The following ADGRF3 variants were observed in gnomAD, a reference collection of about 807,000 sequenced individuals.
The protein encoded by ADGRF3 is adhesion G protein-coupled receptor F3.
Under a neutral mutation model 93.2 loss-of-function variants are expected in ADGRF3, and 85 were observed. The ratio of observed to expected loss-of-function variants is 0.91; its 90% confidence interval spans 0.77 to 1.09. ADGRF3 has a LOEUF of 1.09. Among genes scored for constraint, ADGRF3 ranks in the 50% least tolerant of loss-of-function variants. The pLI is 0.00. For missense variants in ADGRF3, 1,125 were observed against 1,246.2 expected, an observed-to-expected ratio of 0.90 and a Z score of 1.46; for synonymous variants, 534 against 532.5, an observed-to-expected ratio of 1.00 and a Z score of -0.04.
At chr2:26,337,306 G>A (rs757626681) in intron 1 of ADGRF3, among the ~76,000 whole-genome samples, 13 of 152,230 alleles carry the variant, frequency 8.5e-5, no homozygotes, top group Non-Finnish European at 1.8e-4. Flanking sequence ...TACCTAGGCC[G>A]ACAAAGGCCT....
Position 26,314,506 on chromosome 2 carries a change from C to T in ADGRF3, c.836G>A (p.Cys279Tyr), listed in dbSNP as rs780592721. 1 of 1,614,058 alleles carries T rather than the reference C, an allele frequency of 6.2e-7. No individual in the cohort carries two copies. The highest frequency in any genetic ancestry group is 8.5e-7 in the Non-Finnish European group (1 of 1,179,906). Reference protein sequence around the residue: ...ARLPYQLSISCATSPGFQLSC... With the variant: ...ARLPYQLSISYATSPGFQLSC... The stretch of plus-strand genomic sequence containing the variant: ...CAGCTGGAAGCCAGGGGAGGTGGCA[C>T]AGGAGATGGACAGCTGGTATGGAAG... The change falls in exon 6 of 14, where the codon TGT becomes TAT. Residue 279 changes from cysteine to tyrosine, a missense_variant. Transcript: ENST00000651242.
intron 1 of ADGRF3, among the ~76,000 whole-genome samples, chr2:26,320,037 A>G (rs907098145): frequency 2.0e-5 from 3 of 152,226 alleles, no homozygotes; most frequent in Admixed American, 1.3e-4. Flanking sequence ...AATACATAAA[A>G]CTGAGAAGCC....
At position 26,310,937 on chromosome 2, in the gene ADGRF3, C is replaced by T; in HGVS notation, c.2587G>A (p.Gly863Arg). ...GKGGALYTFV[G>R]PVLAIIGVNG... ...ACGCCTATGATGGCCAGCACTGGCC[C>T]CACGAAGGTGTATAACGCCCCTCCC... is the stretch of plus-strand genomic sequence containing the variant. The change falls in exon 10 of 14, where the codon GGG becomes AGG. Residue 863 changes from glycine (G) to arginine (R), a missense_variant. Gly to Arg is a moderately radical substitution (Grantham distance 125). Coordinates refer to ENST00000651242, the MANE Select transcript of ADGRF3 (RefSeq NM_001321971.2). The T allele has an allele frequency of 1.2e-6, 2 of 1,613,540 alleles. No individual in the cohort carries two copies. Among genetic ancestry groups the T allele is most frequent in the Non-Finnish European group, 1.7e-6 (2 of 1,179,690 alleles).
At chr2:26,309,271 C>G (rs1317556755) in intron 13 of ADGRF3, 164 bp from the exon 14 acceptor site, 1 of 1,571,418 alleles carries the variant, frequency 6.4e-7, no homozygotes, top group East Asian at 2.2e-5. Flanking sequence ...GAAACCAAGT[C>G]AAGGACTGGT....
chr2:26,314,042 G>C, intron 6 of ADGRF3, 139 bp from the exon 7 acceptor site: 1 of 1,066,534 alleles, frequency 9.4e-7, no homozygotes, highest in South Asian at 1.5e-5. Flanking sequence ...TGATGTGTGG[G>C]CTCCACTTGG....
In ADGRF3 at chr2:26,346,474, C is replaced by T; in HGVS notation, c.-240G>A. 1 of 637,428 alleles carries T rather than the reference C, an allele frequency of 1.6e-6. No individual in the cohort carries two copies. The highest frequency in any genetic ancestry group is 2.5e-6 in the Non-Finnish European group (1 of 404,622). The allele number at this position is 637,428 out of a possible 1,614,324, so 39.5% of individuals were successfully genotyped here. ...GGGGAGCGTGGGAGCATCCTAAGCCCGCCGCCCGTAGTCGGCACCCCCCGG... is the reference window on the plus strand; with the variant it reads ...GGGGAGCGTGGGAGCATCCTAAGCCTGCCGCCCGTAGTCGGCACCCCCCGG... On this transcript the variant is annotated 5_prime_UTR_variant, in exon 1 of 14. Coordinates refer to ENST00000651242, the MANE Select transcript of ADGRF3 (RefSeq NM_001321971.2).
intron 1 of ADGRF3, among the ~76,000 whole-genome samples, chr2:26,325,138 A>G (rs1675371540): frequency 6.6e-6 from 1 of 152,216 alleles, no homozygotes; most frequent in South Asian, 2.1e-4. Context: ...TGGCCACATC[A>G]TGGGACATGT....
chr2:26,316,456 A>T lies in ADGRF3; in HGVS notation c.326-8T>A. On this transcript the variant is annotated splice_region_variant and splice_polypyrimidine_tract_variant and intron_variant, in intron 3 of 13. Transcript: ENST00000651242. ...TGTGGTTGACATTACACTCTGACAG[A>T]GAGAAGAGAAGAGGGGGTGGGCAGG... 1 of 1,550,538 alleles carries T rather than the reference A, an allele frequency of 6.4e-7. No homozygotes were observed.
chr2:26,314,309 G>A (rs1325910153), intron 6 of ADGRF3, 105 bp downstream of exon 6: 1 of 1,080,878 alleles, frequency 9.3e-7, no homozygotes, highest in African/African-American at 1.6e-5. Flanking sequence ...CCACTCTCTG[G>A]TTGAACTGTG....
chr2:26,330,568 G>A (rs1675706932), intron 1 of ADGRF3, among the ~76,000 whole-genome samples: 1 of 152,146 alleles, frequency 6.6e-6, no homozygotes, highest in South Asian at 2.1e-4. Flanking sequence ...CTCCCTCAGA[G>A]TTCTCGGCTC....
intron 1 of ADGRF3, 125 bp from the exon 2 acceptor site, chr2:26,317,687 T>A: frequency 2.3e-6 from 2 of 865,776 alleles, no homozygotes; most frequent in Non-Finnish European, 3.7e-6. Flanking sequence ...GAGTCAAGTG[T>A]ACACATCAGG....
chr2:26,322,643 T>G (rs1176083354), intron 1 of ADGRF3, among the ~76,000 whole-genome samples: 3 of 152,236 alleles, frequency 2.0e-5, no homozygotes, highest in Admixed American at 6.5e-5. Context: ...GCACTGAGTT[T>G]ACCTCAGTAC....
chr2:26,341,949 T>G (rs1010576084), intron 1 of ADGRF3, among the ~76,000 whole-genome samples: 1 of 151,952 alleles, frequency 6.6e-6, no homozygotes, highest in African/African-American at 2.4e-5. Context: ...GGCAGGTGCC[T>G]GTAGTCCCAG....
At chr2:26,316,248 G>A (rs1175494162) in intron 4 of ADGRF3, 27 bp downstream of exon 4, 1 of 1,545,934 alleles carries the variant, frequency 6.5e-7, no homozygotes, top group East Asian at 2.4e-5. Context: ...TAAGGCCATT[G>A]GTTTCCAAGT....
chr2:26,345,753 C>G (rs920579142), intron 1 of ADGRF3: 2 of 245,774 alleles, frequency 8.1e-6, no homozygotes, highest in Admixed American at 5.3e-5. Flanking sequence ...CACTCTACCC[C>G]CAAGACTAAA....
chr2:26,311,517 C>A lies in ADGRF3; in HGVS notation c.2007G>T (p.Gln669His). 1 of 1,614,030 alleles carries A rather than the reference C, an allele frequency of 6.2e-7. No homozygotes were observed. Among genetic ancestry groups the A allele is most frequent in the Non-Finnish European group, 8.5e-7 (1 of 1,179,902 alleles). The stretch of plus-strand genomic sequence containing the variant: ...GAGCAGTGGGGCTGGCACTGGCCAC[C>A]TGTGCCTGGCACCCTTCTTTGGACC... ...GGWSKEGCQA[Q>H]VASASPTAQC... The change falls in exon 10 of 14, where the codon CAG becomes CAT. Residue 669 changes from glutamine (Q) to histidine (H), a missense_variant. Transcript: ENST00000651242.
At position 26,309,126 on chromosome 2, in the gene ADGRF3, C is replaced by T; in HGVS notation, c.2994-19G>A. ...TGTCTTCCTGTGAAAGAGCTTGCGGCTGGTGAGTGGATACTGAGCCCAACT... is the reference window on the plus strand; with the variant it reads ...TGTCTTCCTGTGAAAGAGCTTGCGGTTGGTGAGTGGATACTGAGCCCAACT... On this transcript the variant is annotated intron_variant, in intron 13 of 13. Coordinates refer to ENST00000651242, the MANE Select transcript of ADGRF3 (RefSeq NM_001321971.2). 6.2e-7 allele frequency: 1 copy of T among 1,614,006 alleles called. No homozygotes were observed. The highest frequency in any genetic ancestry group is 8.5e-7 in the Non-Finnish European group (1 of 1,179,888).
At chr2:26,330,509 G>T (rs575556650) in intron 1 of ADGRF3, among the ~76,000 whole-genome samples, 41 of 152,178 alleles carry the variant, frequency 2.7e-4, no homozygotes, top group Non-Finnish European at 4.9e-4. Flanking sequence ...AGCAATGGAG[G>T]TTTGCCTTGC....
At position 26,311,055 on chromosome 2, in the gene ADGRF3, G is replaced by T; in HGVS notation, c.2469C>A (p.Tyr823Ter). Residue 823 changes from tyrosine (Y) to a stop codon, truncating the protein, a stop_gained, in exon 10 of 14, where the codon TAC becomes TAA. Coordinates refer to ENST00000651242, the MANE Select transcript of ADGRF3 (RefSeq NM_001321971.2). LOFTEE classifies it high-confidence loss of function. ...CACCTGCCAACCCCAGTGGGCACAGGTAGCCCAGGAGCACCATGAGGGGGA... is the reference window on the plus strand; with the variant it reads ...CACCTGCCAACCCCAGTGGGCACAGTTAGCCCAGGAGCACCATGAGGGGGA... ...RVLPLMVLLG[Y>*]LCPLGLAGVT... 1 of 1,609,538 alleles carries T rather than the reference G, an allele frequency of 6.2e-7. No individual in the cohort carries two copies. The highest frequency in any genetic ancestry group is 8.5e-7 in the Non-Finnish European group (1 of 1,178,018).
Sources: allele counts gnomAD v4.1 joint callset (sites outside exome capture counted in the v4.1 genomes callset), GRCh38; gene constraint gnomAD v4.1.1; transcripts MANE v1.5; gene names NCBI Gene and HGNC (gene_info 2026-07-23, HGNC 2026-07-21).